The following NR3C2 variants were observed in gnomAD, a reference collection of about 807,000 sequenced individuals.
The protein encoded by NR3C2 is nuclear receptor subfamily 3 group C member 2.
A neutral mutation model predicts 86.4 loss-of-function variants in NR3C2; 15 were observed. That is an observed-to-expected ratio of 0.17 (90% CI 0.12 to 0.27). NR3C2 has a LOEUF of 0.27. Among genes scored for constraint, NR3C2 ranks in the 10% least tolerant of loss-of-function variants. The probability of loss-of-function intolerance (pLI) is 1.00; values close to 1 mark genes in which losing one functional copy is unlikely to be tolerated. For missense variants in NR3C2, 960 were observed against 1,195.6 expected, an observed-to-expected ratio of 0.80 and a Z score of 2.91; for synonymous variants, 458 against 450.5, an observed-to-expected ratio of 1.02 and a Z score of -0.21.
At chr4:148,268,200 A>G (rs1374836569) in intron 2 of NR3C2, among the ~76,000 whole-genome samples, 2 of 152,112 alleles carry the variant, frequency 1.3e-5, no homozygotes, top group Non-Finnish European at 2.9e-5. Flanking sequence ...TGGCCTCCCA[A>G]AGTGCTAGGA....
chr4:148,225,706 A>C (rs1318237860), intron 3 of NR3C2, among the ~76,000 whole-genome samples: 2 of 152,162 alleles, frequency 1.3e-5, no homozygotes, highest in Non-Finnish European at 2.9e-5. Flanking sequence ...GTTGCAGAAA[A>C]ATGTCACTAT....
chr4:148,323,910 C>A (rs1407914043), intron 2 of NR3C2, among the ~76,000 whole-genome samples: 1 of 152,160 alleles, frequency 6.6e-6, no homozygotes, highest in Non-Finnish European at 1.5e-5. Flanking sequence ...TCCCCTCTAT[C>A]TCATTTTTAA....
chr4:148,088,586 C>T (rs1372900454), intron 8 of NR3C2, among the ~76,000 whole-genome samples: 1 of 128,778 alleles, frequency 7.8e-6, no homozygotes, highest in Non-Finnish European at 1.5e-5. Context: ...AAGCTGGAAA[C>T]CATCATTCTC....
intron 2 of NR3C2, among the ~76,000 whole-genome samples, chr4:148,362,916 C>T (rs371015551): frequency 3.3e-5 from 5 of 152,154 alleles, no homozygotes; most frequent in African/African-American, 4.8e-5. Flanking sequence ...CATCTTTCTA[C>T]ATGCCGTTCA....
intron 8 of NR3C2, among the ~76,000 whole-genome samples, chr4:148,106,802 G>C (rs1731818816): frequency 6.6e-6 from 1 of 152,138 alleles, no homozygotes; most frequent in South Asian, 2.1e-4. Flanking sequence ...AAACTGGCTA[G>C]GCATATGCAG....
intron 4 of NR3C2, among the ~76,000 whole-genome samples, chr4:148,157,773 C>T (rs952939141): frequency 1.3e-5 from 2 of 152,152 alleles, no homozygotes; most frequent in South Asian, 4.1e-4. Context: ...ACTTACAGGA[C>T]ACAAATTTAA....
At chr4:148,202,139 T>C (rs1312956748) in intron 3 of NR3C2, among the ~76,000 whole-genome samples, 1 of 152,198 alleles carries the variant, frequency 6.6e-6, no homozygotes, top group Admixed American at 6.5e-5. Context: ...GGACTGAATA[T>C]GGAAAATCAA....
chr4:148,320,147 G>C (rs1447936827), intron 2 of NR3C2, among the ~76,000 whole-genome samples: 2 of 98,404 alleles, frequency 2.0e-5, no homozygotes, highest in Non-Finnish European at 3.9e-5. Flanking sequence ...TGTGGTTTTT[G>C]TCTTTGGCTC....
At chr4:148,094,595 A>ATCC (rs1344642825) in intron 8 of NR3C2, among the ~76,000 whole-genome samples, 1 of 152,024 alleles carries the variant, frequency 6.6e-6, no homozygotes, top group East Asian at 1.9e-4. Context: ...GATGCCTGTA[A>ATCC]TCCCAGTTAC....
intron 6 of NR3C2, among the ~76,000 whole-genome samples, chr4:148,135,901 C>CA (rs1204950191): frequency 1.4e-5 from 2 of 145,944 alleles, no homozygotes; most frequent in Non-Finnish European, 3.0e-5. Context: ...ACTAAAAATA[C>CA]AAAAAATTAG....
intron 2 of NR3C2, among the ~76,000 whole-genome samples, chr4:148,282,876 G>A (rs1436315569): frequency 3.9e-5 from 6 of 152,160 alleles, no homozygotes; most frequent in Non-Finnish European, 8.8e-5. Context: ...GGCAGAGTGG[G>A]CCTTACTGGA....
At chr4:148,290,267 C>G (rs920888698) in intron 2 of NR3C2, among the ~76,000 whole-genome samples, 1 of 152,142 alleles carries the variant, frequency 6.6e-6, no homozygotes, top group African/African-American at 2.4e-5. Context: ...TTCAGCCTAA[C>G]AGCTTCATTT....
At chr4:148,186,461 T>C (rs1286116911) in intron 4 of NR3C2, among the ~76,000 whole-genome samples, 1 of 152,190 alleles carries the variant, frequency 6.6e-6, no homozygotes, top group African/African-American at 2.4e-5. Flanking sequence ...TTCTCAACTT[T>C]TTGCTTTTAT....
At chr4:148,282,861 CA>C (rs1741317761) in intron 2 of NR3C2, among the ~76,000 whole-genome samples, 1 of 151,968 alleles carries the variant, frequency 6.6e-6, no homozygotes, top group Admixed American at 6.6e-5. Flanking sequence ...AACATGGCAT[CA>C]ATAGGCAGAG....
Position 148,436,560 on chromosome 4 carries a change from C to T in NR3C2, c.301G>A (p.Val101Ile). Residue 101 changes from valine (V) to isoleucine (I), a missense_variant, in exon 2 of 9, where the codon GTA becomes ATA. Around this residue, in one of 4 missense-constraint regions of NR3C2, gnomAD observed 680 missense variants for 719.0 expected, o/e 0.95. Transcript: ENST00000358102. ...ELESKELSAT[V>I]AESMGLYMDS... ...ATATATAAACCCATGGACTCAGCTA[C>T]AGTTGCTGAAAGTTCCTTAGATTCC... The T allele has an allele frequency of 6.2e-7, 1 of 1,614,216 alleles. No homozygotes were observed. Among genetic ancestry groups the T allele is most frequent in the Non-Finnish European group, 8.5e-7 (1 of 1,180,036 alleles).
At chr4:148,082,138 G>C (rs936883827) in intron 8 of NR3C2, among the ~76,000 whole-genome samples, 6 of 152,224 alleles carry the variant, frequency 3.9e-5, no homozygotes, top group Non-Finnish European at 7.3e-5. Flanking sequence ...CTGATTTTGA[G>C]ACAGTGAAAT....
intron 2 of NR3C2, among the ~76,000 whole-genome samples, chr4:148,336,222 T>C (rs1008881955): frequency 2.0e-5 from 3 of 152,074 alleles, no homozygotes; most frequent in Non-Finnish European, 4.4e-5. Context: ...TGCAGGATAA[T>C]GGCAGCACTA....
At chr4:148,432,319 G>A (rs1185573117) in intron 2 of NR3C2, among the ~76,000 whole-genome samples, 1 of 152,106 alleles carries the variant, frequency 6.6e-6, no homozygotes, top group Non-Finnish European at 1.5e-5. Flanking sequence ...GGTCATTTCA[G>A]ATAATTGTAG....
chr4:148,274,098 A>AG (rs1740835423), intron 2 of NR3C2, among the ~76,000 whole-genome samples: 1 of 152,092 alleles, frequency 6.6e-6, no homozygotes, highest in East Asian at 1.9e-4. Context: ...AAAAAAAAAA[A>AG]AAAGGTAATA....
Sources: allele counts gnomAD v4.1 joint callset (sites outside exome capture counted in the v4.1 genomes callset), GRCh38; gene constraint gnomAD v4.1.1; regional missense constraint gnomAD v4.1.1; transcripts MANE v1.5; gene names NCBI Gene and HGNC (gene_info 2026-07-23, HGNC 2026-07-21).